MYO16: variants seen among roughly 807,000 people sequenced by gnomAD.
MYO16 encodes the protein myosin XVI, also known as unconventional myosin-XVI.
Under a neutral mutation model 205.3 loss-of-function variants are expected in MYO16, and 94 were observed. The observed-to-expected ratio is 0.46, with a 90% CI of 0.39 to 0.54. The LOEUF is 0.54. Among genes scored for constraint, MYO16 ranks in the 20% least tolerant of loss-of-function variants. MYO16 has a pLI of 0.00. For synonymous variants in MYO16, 988 were observed against 954.0 expected (o/e 1.04, Z -0.66); for missense variants, 2,315 against 2,387.5 (o/e 0.97, Z 0.63).
intron 34 of MYO16, among the ~76,000 whole-genome samples, chr13:109,181,358 A>T (rs1316231544): frequency 6.6e-6 from 1 of 152,256 alleles, no homozygotes; most frequent in African/African-American, 2.4e-5. Flanking sequence ...GTTATGTGAA[A>T]CTATGTGTTG....
intron 16 of MYO16, among the ~76,000 whole-genome samples, chr13:108,915,854 C>T (rs1414913560): frequency 6.6e-6 from 1 of 151,996 alleles, no homozygotes; most frequent in African/African-American, 2.4e-5. Context: ...TGTTTCTAAC[C>T]CATGTGGCCA....
rs138471153 is a variant in MYO16, at chr13:108,720,574, T to TTTG, written c.364-6851_364-6849dup. Among the ~76,000 whole-genome samples the TTTG allele has an allele frequency of 1.8e-4, 28 of 152,098 alleles. No homozygotes were observed. In the South Asian group the frequency reaches 3.1e-3, roughly 17 times the overall value. On this transcript the variant is annotated intron_variant, in intron 3 of 34. Coordinates refer to ENST00000457511, the MANE Select transcript of MYO16 (RefSeq NM_001198950.3). ...CCATAGCTACCTAAAAGTTCAGAGT[T>TTTG]TTGTTGTTGTTGTTGTTTTTTAATT...
In MYO16 at chr13:109,140,799, C is replaced by G; in HGVS notation, c.4587C>G (p.Asp1529Glu). ...CCGTCACCTGCTCCCCCGCCTCCGACGAGTCGCCCCTGACACCCCTGGAGG... is the reference window on the plus strand; with the variant it reads ...CCGTCACCTGCTCCCCCGCCTCCGAGGAGTCGCCCCTGACACCCCTGGAGG... Reference protein sequence around the residue: ...PTPVTCSPASDESPLTPLEVK... With the variant: ...PTPVTCSPASEESPLTPLEVK... Residue 1529 changes from aspartate to glutamate, a missense_variant, in exon 32 of 35, where the codon GAC becomes GAG. Transcript: ENST00000457511. This position sits in a 1 kb window ranked among gnomAD's most constrained non-coding sequence, Gnocchi z 8.0. 1.9e-6 allele frequency: 3 copies of G among 1,579,894 alleles called. No individual in the cohort carries two copies. The highest frequency in any genetic ancestry group is 2.6e-6 in the Non-Finnish European group (3 of 1,165,950).
At chr13:108,857,337 G>A (rs1208219716) in intron 11 of MYO16, among the ~76,000 whole-genome samples, 2 of 152,286 alleles carry the variant, frequency 1.3e-5, no homozygotes, top group Admixed American at 6.5e-5. Context: ...CAAGGTTGAT[G>A]GGAGGAAAAG....
chr13:109,026,704 G>A (rs760038273), intron 23 of MYO16, among the ~76,000 whole-genome samples: 6 of 152,080 alleles, frequency 3.9e-5, no homozygotes, highest in Admixed American at 2.0e-4. Context: ...GTTTTTGCAC[G>A]TGGTTTTCCT....
At chr13:108,973,331 AAGAG>A (rs72102861) in intron 20 of MYO16, among the ~76,000 whole-genome samples, 13,252 of 152,234 alleles carry the variant, frequency 0.087, 626 homozygotes, top group Admixed American at 0.11. Context: ...CCAATGAAAA[AAGAG>A]AGAATGTTTC....
intron 3 of MYO16, among the ~76,000 whole-genome samples, chr13:108,722,443 AATT>A (rs1884199686): frequency 6.6e-6 from 1 of 152,216 alleles, no homozygotes; most frequent in Admixed American, 6.5e-5. Flanking sequence ...ATTGCTGTCA[AATT>A]ATTATTCATA....
intron 21 of MYO16, among the ~76,000 whole-genome samples, chr13:108,997,475 T>G (rs1885068269): frequency 6.8e-6 from 1 of 147,392 alleles, no homozygotes. Flanking sequence ...CTGGAAGAAC[T>G]TAGAGAATTG....
chr13:109,083,437 G>A lies in MYO16; in HGVS notation c.3336-17348G>A, dbSNP rs1286492784. The stretch of plus-strand genomic sequence containing the variant: ...AAAAAAAAGCTTCTGCAGTAGAGAC[G>A]ATCAAAAAGCAAGGGTTATTATGAA... On this transcript the variant is annotated intron_variant, in intron 27 of 34. Transcript: ENST00000457511. 5.7e-5 allele frequency among the ~76,000 whole-genome samples: 7 copies of A among 122,754 alleles called. 1 individual carries two copies. The South Asian group carries it at 1.1e-3, about 20-fold the overall frequency. 80.5% of individuals were successfully genotyped at this position (122,754 alleles called of 152,430 possible). A position where few individuals can be genotyped will look rare whatever the true frequency, so the allele number is the denominator to read the frequency against.
chr13:109,174,631 T>G (rs1879077852), intron 33 of MYO16, among the ~76,000 whole-genome samples: 1 of 152,046 alleles, frequency 6.6e-6, no homozygotes, highest in Admixed American at 6.6e-5. Context: ...TGCCATTGAC[T>G]AAACAAGTTT....
intron 32 of MYO16, among the ~76,000 whole-genome samples, chr13:109,154,636 A>C (rs1877885246): frequency 6.6e-6 from 1 of 152,082 alleles, no homozygotes; most frequent in African/African-American, 2.4e-5. Context: ...CACTCCCAAC[A>C]GAAGAGCAGG....
intron 4 of MYO16, among the ~76,000 whole-genome samples, chr13:108,740,322 G>T (rs1884863167): frequency 6.6e-6 from 1 of 152,174 alleles, no homozygotes; most frequent in African/African-American, 2.4e-5. Flanking sequence ...TGGTGTGGAT[G>T]TGCTTTCTGT....
intron 31 of MYO16, among the ~76,000 whole-genome samples, chr13:109,138,406 ATTATAT>A (rs1876876880): frequency 1.3e-5 from 2 of 152,214 alleles, no homozygotes; most frequent in South Asian, 4.1e-4. Context: ...TATCAGTGAA[ATTATAT>A]TTATTTAATA....
At chr13:108,926,129 G>A (rs1881989399) in intron 16 of MYO16, among the ~76,000 whole-genome samples, 1 of 152,190 alleles carries the variant, frequency 6.6e-6, no homozygotes, top group African/African-American at 2.4e-5. Flanking sequence ...CAGACATCCT[G>A]TGTTGACAGA....
rs755984204 is a variant in MYO16, at chr13:109,127,513, C to T, written c.4014C>T (p.Ser1338=). ...TRLSASYEAV[S]ACLSAAREAA... ...TGAGTGCTTCCTATGAGGCTGTGAGCGCCTGCCTCTCCGCGGCCAGGGAAG... is the reference window on the plus strand; with the variant it reads ...TGAGTGCTTCCTATGAGGCTGTGAGTGCCTGCCTCTCCGCGGCCAGGGAAG... Residue 1338 remains serine, a synonymous_variant, in exon 31 of 35, where the codon AGC becomes AGT. Coordinates refer to ENST00000457511, the MANE Select transcript of MYO16 (RefSeq NM_001198950.3). This position sits in a 1 kb window ranked among gnomAD's most constrained non-coding sequence, Gnocchi z 4.2. 1.1e-5 allele frequency: 18 copies of T among 1,612,548 alleles called. No homozygotes were observed. In the East Asian group the frequency reaches 1.3e-4, roughly 12 times the overall value.
the MYO16 span, among the ~76,000 whole-genome samples, chr13:108,500,886 C>T: frequency 2.0e-5 from 3 of 152,104 alleles, no homozygotes; most frequent in African/African-American, 4.8e-5. Flanking sequence ...CTTCTTGACC[C>T]GCTCCCTGCC....
chr13:109,022,246 T>TGTACATATGTATAC, intron 23 of MYO16, among the ~76,000 whole-genome samples: 2 of 130,690 alleles, frequency 1.5e-5, no homozygotes, highest in Non-Finnish European at 3.1e-5. Context: ...TATATATTTA[T>TGTACATATGTATAC]ATATACAAAT....
chr13:108,927,370 A>G (rs1882056648), intron 16 of MYO16, among the ~76,000 whole-genome samples: 1 of 152,078 alleles, frequency 6.6e-6, no homozygotes, highest in African/African-American at 2.4e-5. Context: ...CATACCTCTG[A>G]GGCCTTTGAC....
At chr13:108,806,148 T>C (rs1483330902) in intron 6 of MYO16, among the ~76,000 whole-genome samples, 1 of 151,982 alleles carries the variant, frequency 6.6e-6, no homozygotes, top group Non-Finnish European at 1.5e-5. Context: ...ACTGGGAGAA[T>C]GTTACAATGG....
Sources: gnomAD v4.1 joint callset for allele counts (sites outside exome capture counted in the v4.1 genomes callset) on GRCh38, gnomAD v4.1.1 for gene constraint, Gnocchi (gnomAD v3.1) non-coding constraint, MANE v1.5 for transcripts, NCBI Gene and HGNC (gene_info 2026-07-23, HGNC 2026-07-21) for gene names.